The following ENOX1 variants were observed in gnomAD, a reference collection of about 807,000 sequenced individuals.
ENOX1 encodes ecto-NOX disulfide-thiol exchanger 1, also known as candidate growth-related and time keeping constitutive hydroquinone (NADH) oxidase.
In ENOX1, 42 loss-of-function variants were observed where a neutral mutation model predicts 82.5. The ratio of observed to expected loss-of-function variants is 0.51; its 90% CI spans 0.40 to 0.66. The LOEUF (loss-of-function observed/expected upper bound fraction) is 0.66. Ranked by LOEUF, ENOX1 falls within the 30% of genes least tolerant of loss-of-function variation. ENOX1 has a pLI of 0.00. For missense variants in ENOX1, 608 were observed against 811.6 expected (o/e 0.75, Z 3.05); for synonymous variants, 271 against 282.2 (o/e 0.96, Z 0.40).
intron 2 of ENOX1, among the ~76,000 whole-genome samples, chr13:43,537,308 G>A (rs2078505354): frequency 6.6e-6 from 1 of 152,188 alleles, no homozygotes; most frequent in Non-Finnish European, 1.5e-5. Flanking sequence ...CCAATGACAA[G>A]TGAAGGCACA....
At chr13:43,748,188 T>G (rs1166361467) in intron 1 of ENOX1, among the ~76,000 whole-genome samples, 1 of 152,230 alleles carries the variant, frequency 6.6e-6, no homozygotes, top group Non-Finnish European at 1.5e-5. Context: ...TGTCATTCTA[T>G]GTGTTTTATT....
chr13:43,683,983 C>T (rs960636484), intron 1 of ENOX1, among the ~76,000 whole-genome samples: 24 of 151,874 alleles, frequency 1.6e-4, no homozygotes, highest in Non-Finnish European at 2.4e-4. Flanking sequence ...AGCAACTTTA[C>T]TTGCTGAAAC....
At chr13:43,337,596 T>C (rs562220761) in intron 9 of ENOX1, among the ~76,000 whole-genome samples, 1 of 152,138 alleles carries the variant, frequency 6.6e-6, no homozygotes, top group East Asian at 1.9e-4. Flanking sequence ...TGTGTGGAGG[T>C]AGGAAAGAGG....
intron 2 of ENOX1, among the ~76,000 whole-genome samples, chr13:43,557,139 A>T (rs1045134273): frequency 6.6e-6 from 1 of 152,188 alleles, no homozygotes; most frequent in African/African-American, 2.4e-5. Flanking sequence ...TGCATATCTT[A>T]AGGTAGGAAA....
At chr13:43,469,796 C>T (rs1441514882) in intron 3 of ENOX1, among the ~76,000 whole-genome samples, 1 of 151,738 alleles carries the variant, frequency 6.6e-6, no homozygotes, top group Non-Finnish European at 1.5e-5. Context: ...TTTACAGGAA[C>T]TAGGATATAC....
intron 12 of ENOX1, among the ~76,000 whole-genome samples, chr13:43,296,924 G>A (rs948467710): frequency 6.6e-6 from 1 of 152,140 alleles, no homozygotes; most frequent in African/African-American, 2.4e-5. Context: ...ATCTTGGCGA[G>A]GGTGCCAACA....
intron 2 of ENOX1, among the ~76,000 whole-genome samples, chr13:43,609,174 G>T (rs1456492444): frequency 6.6e-6 from 1 of 151,960 alleles, no homozygotes; most frequent in Non-Finnish European, 1.5e-5. Flanking sequence ...ATATACATAG[G>T]TACTTCTTTA....
At chr13:43,645,549 A>G (rs1213483313) in intron 2 of ENOX1, among the ~76,000 whole-genome samples, 1 of 152,216 alleles carries the variant, frequency 6.6e-6, no homozygotes, top group Non-Finnish European at 1.5e-5. Flanking sequence ...AAAGGTGATT[A>G]AAGAGACAAC....
At chr13:43,279,325 A>G (rs1480974600) in intron 12 of ENOX1, among the ~76,000 whole-genome samples, 2 of 152,246 alleles carry the variant, frequency 1.3e-5, no homozygotes, top group East Asian at 3.8e-4. Flanking sequence ...TAGCGTGATT[A>G]GCTCCATTAT....
intron 2 of ENOX1, among the ~76,000 whole-genome samples, chr13:43,551,287 C>A (rs1379816858): frequency 1.3e-5 from 2 of 152,018 alleles, no homozygotes; most frequent in African/African-American, 4.8e-5. Context: ...AATTATGTGG[C>A]CTTTCTTTTT....
chr13:43,232,751 C>A (rs1422398024), intron 15 of ENOX1, among the ~76,000 whole-genome samples: 1 of 152,108 alleles, frequency 6.6e-6, no homozygotes, highest in East Asian at 1.9e-4. Context: ...TGCTTTGTTA[C>A]AGTTAAAAGT....
At chr13:43,278,165 A>G (rs960417915) in intron 12 of ENOX1, among the ~76,000 whole-genome samples, 1 of 152,236 alleles carries the variant, frequency 6.6e-6, no homozygotes, top group African/African-American at 2.4e-5. Context: ...CATTACTGTT[A>G]AGATTTAATA....
intron 1 of ENOX1, among the ~76,000 whole-genome samples, chr13:43,729,490 G>T (rs1019924948): frequency 1.3e-5 from 2 of 151,966 alleles, no homozygotes; most frequent in African/African-American, 4.8e-5. Context: ...AACCCACCAA[G>T]AACTGAGTTT....
chr13:43,266,537 T>C (rs2044381316), intron 13 of ENOX1, among the ~76,000 whole-genome samples: 1 of 152,124 alleles, frequency 6.6e-6, no homozygotes. Flanking sequence ...GACCAAAGGC[T>C]CTTTGGCTCA....
rs375876943 is a variant in ENOX1 at position 43,779,651 on chromosome 13, G to A, written c.-285+7001C>T. Among the ~76,000 whole-genome samples the A allele has an allele frequency of 3.3e-4, 51 of 152,252 alleles. 2 individuals are homozygous for A. In the South Asian group the frequency reaches 0.01, roughly 31 times the overall value. On this transcript the variant is annotated intron_variant, in intron 1 of 16. Transcript: ENST00000690772. ...TCAGTATTGTGACAAACACATCATG[G>A]GATTCCTATGAACAGACAGATTTGA... is the stretch of plus-strand genomic sequence containing the variant.
chr13:43,274,247 G>A (rs181167398), intron 12 of ENOX1, among the ~76,000 whole-genome samples: 272 of 152,204 alleles, frequency 1.8e-3, no homozygotes, highest in African/African-American at 6.4e-3. Flanking sequence ...TTATAATTAC[G>A]TAATTTATTC....
At chr13:43,526,871 G>C (rs2078010376) in intron 2 of ENOX1, among the ~76,000 whole-genome samples, 1 of 152,112 alleles carries the variant, frequency 6.6e-6, no homozygotes, top group South Asian at 2.1e-4. Flanking sequence ...ATACGGGCTT[G>C]TTCCTCATGA....
intron 1 of ENOX1, among the ~76,000 whole-genome samples, chr13:43,700,809 G>A (rs1331969378): frequency 3.9e-5 from 6 of 152,208 alleles, no homozygotes; most frequent in African/African-American, 1.4e-4. Context: ...GGAGAGCTGT[G>A]TCTTGAAAGA....
At chr13:43,726,144 C>T (rs1384899028) in intron 1 of ENOX1, among the ~76,000 whole-genome samples, 1 of 149,770 alleles carries the variant, frequency 6.7e-6, no homozygotes, top group Non-Finnish European at 1.5e-5. Context: ...CATAAATCCA[C>T]AATAAAGAAT....
Sources: allele counts gnomAD v4.1 joint callset (sites outside exome capture counted in the v4.1 genomes callset), GRCh38; gene constraint gnomAD v4.1.1; transcripts MANE v1.5; gene names NCBI Gene and HGNC (gene_info 2026-07-23, HGNC 2026-07-21).